NT5DC1: variants seen among roughly 807,000 people sequenced by gnomAD.
NT5DC1 encodes 5'-nucleotidase domain-containing protein 1.
Under a neutral mutation model 59.4 loss-of-function variants are expected in NT5DC1, and 42 were observed. That is an observed-to-expected ratio of 0.71 (90% CI 0.55 to 0.92). The LOEUF (loss-of-function observed/expected upper bound fraction) is 0.92. Ranked by LOEUF, NT5DC1 falls within the 40% of genes least tolerant of loss-of-function variation. The pLI is 0.00. For synonymous variants in NT5DC1, 172 were observed against 188.1 expected (o/e 0.91, Z 0.70); for missense variants, 501 against 537.1 (o/e 0.93, Z 0.66).
intron 6 of NT5DC1, among the ~76,000 whole-genome samples, chr6:116,204,475 TGA>T (rs960473794): frequency 3.9e-4 from 60 of 152,094 alleles, no homozygotes; most frequent in African/African-American, 1.4e-3. Context: ...TATGACCTGA[TGA>T]GAGTGTGGGG....
chr6:116,231,953 A>G (rs1388243776), intron 8 of NT5DC1, among the ~76,000 whole-genome samples: 1 of 152,234 alleles, frequency 6.6e-6, no homozygotes, highest in Non-Finnish European at 1.5e-5. Flanking sequence ...CCGTAACAAA[A>G]TACCACAAAC....
chr6:116,241,960 CAAA>C (rs1771740045), intron 11 of NT5DC1, among the ~76,000 whole-genome samples: 1 of 109,948 alleles, frequency 9.1e-6, no homozygotes, highest in Non-Finnish European at 2.0e-5. Context: ...AAAAAAAAAA[CAAA>C]GAATCAGCAA....
intron 6 of NT5DC1, among the ~76,000 whole-genome samples, chr6:116,158,302 C>T (rs1303919371): frequency 6.6e-6 from 1 of 151,660 alleles, no homozygotes; most frequent in Non-Finnish European, 1.5e-5. Flanking sequence ...CTTGTTAGTC[C>T]TGTGCATCTA....
At chr6:116,239,234 T>TG (rs1444037895) in intron 11 of NT5DC1, 111 bp downstream of exon 11, 3 of 837,132 alleles carry the variant, frequency 3.6e-6, no homozygotes, top group Non-Finnish European at 5.6e-6. Context: ...GATTTATCTT[T>TG]GGGGAAAAAT....
intron 8 of NT5DC1, among the ~76,000 whole-genome samples, chr6:116,231,588 T>C (rs531574388): frequency 2.6e-5 from 4 of 152,316 alleles, no homozygotes; most frequent in South Asian, 2.1e-4. Flanking sequence ...CTGTGAAATA[T>C]AGTAAAAATG....
chr6:116,135,603 A>C (rs995049810), intron 6 of NT5DC1, among the ~76,000 whole-genome samples: 2 of 151,654 alleles, frequency 1.3e-5, no homozygotes, highest in African/African-American at 4.8e-5. Context: ...AGCATTTTGC[A>C]CGAGCTATAT....
At chr6:116,110,282 GCT>G (rs1778847597) in intron 3 of NT5DC1, among the ~76,000 whole-genome samples, 1 of 152,180 alleles carries the variant, frequency 6.6e-6, no homozygotes, top group Admixed American at 6.5e-5. Context: ...TTGTCATGTT[GCT>G]CTGTTTTTCC....
At chr6:116,153,256 ATATGT>A (rs1303306451) in intron 6 of NT5DC1, among the ~76,000 whole-genome samples, 1 of 152,076 alleles carries the variant, frequency 6.6e-6, no homozygotes, top group Admixed American at 6.6e-5. Context: ...TATTTATAAG[ATATGT>A]TATATAAGAC....
At chr6:116,208,767 A>T (rs2114522606) in intron 6 of NT5DC1, among the ~76,000 whole-genome samples, 1 of 152,138 alleles carries the variant, frequency 6.6e-6, no homozygotes, top group South Asian at 2.1e-4. Context: ...CATCTTATTC[A>T]GAGACTAAAA....
chr6:116,103,414 G>A (rs753658174), intron 1 of NT5DC1, among the ~76,000 whole-genome samples: 17 of 152,038 alleles, frequency 1.1e-4, no homozygotes, highest in Non-Finnish European at 2.1e-4. Context: ...GCAACTAAGC[G>A]AGGTAGTCCG....
intron 6 of NT5DC1, among the ~76,000 whole-genome samples, chr6:116,209,017 C>T (rs1781517750): frequency 6.6e-6 from 1 of 152,010 alleles, no homozygotes; most frequent in Non-Finnish European, 1.5e-5. Context: ...GTAATATTCA[C>T]TCTGCTCAGA....
intron 6 of NT5DC1, among the ~76,000 whole-genome samples, chr6:116,219,548 C>A (rs1347155173): frequency 6.6e-6 from 1 of 152,138 alleles, no homozygotes; most frequent in Non-Finnish European, 1.5e-5. Flanking sequence ...GAAGATGAAA[C>A]CCGAAACAAT....
intron 6 of NT5DC1, among the ~76,000 whole-genome samples, chr6:116,130,936 C>T (rs1164117795): frequency 1.3e-5 from 2 of 152,116 alleles, no homozygotes; most frequent in Non-Finnish European, 2.9e-5. Context: ...TTCACTAGAG[C>T]TGCATTACTG....
chr6:116,176,654 A>T (rs767133723), intron 6 of NT5DC1, among the ~76,000 whole-genome samples: 3 of 152,114 alleles, frequency 2.0e-5, no homozygotes, highest in Non-Finnish European at 4.4e-5. Context: ...TTTTTCTTCC[A>T]CCTTTTTCCC....
At chr6:116,242,535 G>C (rs951211843) in intron 11 of NT5DC1, among the ~76,000 whole-genome samples, 4 of 150,104 alleles carry the variant, frequency 2.7e-5, no homozygotes, top group African/African-American at 9.8e-5. Context: ...AAACAAAGTA[G>C]ATATTAAGGG....
At chr6:116,188,729 G>A (rs1781056782) in intron 6 of NT5DC1, among the ~76,000 whole-genome samples, 1 of 150,526 alleles carries the variant, frequency 6.6e-6, no homozygotes, top group Admixed American at 6.6e-5. Flanking sequence ...TACCTGATTA[G>A]CAATTACATG....
At chr6:116,178,715 C>T (rs1330595328) in intron 6 of NT5DC1, among the ~76,000 whole-genome samples, 1 of 152,142 alleles carries the variant, frequency 6.6e-6, no homozygotes, top group Non-Finnish European at 1.5e-5. Context: ...AGAGCAGTTT[C>T]CCTATAATAA....
intron 6 of NT5DC1, among the ~76,000 whole-genome samples, chr6:116,128,509 A>G (rs184348356): frequency 5.3e-5 from 8 of 152,306 alleles, no homozygotes; most frequent in African/African-American, 1.7e-4. Flanking sequence ...TCAAATATGA[A>G]TAATGATTTT....
intron 6 of NT5DC1, among the ~76,000 whole-genome samples, chr6:116,129,207 T>C (rs1374757028): frequency 3.3e-5 from 5 of 152,216 alleles, no homozygotes; most frequent in Admixed American, 6.5e-5. Flanking sequence ...CACATACATA[T>C]ATAGACATGT....
Sources: gnomAD v4.1 joint callset for allele counts (sites outside exome capture counted in the v4.1 genomes callset) on GRCh38, gnomAD v4.1.1 for gene constraint, MANE v1.5 for transcripts, NCBI Gene and HGNC (gene_info 2026-07-23, HGNC 2026-07-21) for gene names.